CREBBP: variants seen among roughly 807,000 people sequenced by gnomAD.
CREBBP encodes the protein CREB-binding protein.
Under a neutral mutation model 265.0 loss-of-function variants are expected in CREBBP, and 19 were observed. The ratio of observed to expected loss-of-function variants is 0.07; its 90% CI spans 0.05 to 0.11. The LOEUF is 0.11. Among genes scored for constraint, CREBBP ranks in the 10% least tolerant of loss-of-function variants. CREBBP has a pLI of 1.00. For missense variants in CREBBP, 2,525 were observed against 3,219.0 expected, an observed-to-expected ratio of 0.78 and a Z score of 5.22; for synonymous variants, 1,457 against 1,223.7, an observed-to-expected ratio of 1.19 and a Z score of -3.98.
At chr16:3,785,929 C>T (rs990179124) in intron 5 of CREBBP, among the ~76,000 whole-genome samples, 1 of 152,236 alleles carries the variant, frequency 6.6e-6, no homozygotes, top group Admixed American at 6.5e-5. Flanking sequence ...CCAACATCCC[C>T]TAGTCTCACC....
chr16:3,750,029 A>G (rs924984293), intron 20 of CREBBP, among the ~76,000 whole-genome samples: 3 of 152,154 alleles, frequency 2.0e-5, no homozygotes, highest in African/African-American at 7.2e-5. Context: ...CTGGGACTAT[A>G]GGCATGCACC....
In CREBBP at chr16:3,727,496, AC is replaced by A. The variant is rs1223670587; in HGVS notation, c.*221del. 6 of 45,610 alleles carry A rather than the reference AC, an allele frequency of 1.3e-4. No individual in the cohort carries two copies. Among genetic ancestry groups the A allele is most frequent in the Admixed American group, 3.3e-4 (1 of 3,038 alleles). 2.8% of individuals were successfully genotyped at this position (45,610 alleles called of 1,614,324 possible). A position where few individuals can be genotyped will look rare whatever the true frequency, so the allele number is the denominator to read the frequency against. On this transcript the variant is annotated 3_prime_UTR_variant, in exon 31 of 31. Transcript: ENST00000262367. ...AAACGGAAAAAAAAGAACCCCCCCC[AC>A]CCCCCCGCCAAAAAAAAACCAAAGA...
intron 2 of CREBBP, among the ~76,000 whole-genome samples, chr16:3,846,508 T>C (rs1384222508): frequency 6.6e-6 from 1 of 152,226 alleles, no homozygotes; most frequent in Non-Finnish European, 1.5e-5. Flanking sequence ...ATGTACAATG[T>C]GTTCAAAGCA....
At chr16:3,849,420 T>TGTGTGTGTGTGTG (rs2054744068) in intron 2 of CREBBP, among the ~76,000 whole-genome samples, 3 of 6,784 alleles carry the variant, frequency 4.4e-4, no homozygotes, top group African/African-American at 5.2e-4. Context: ...TGTGTGTGTG[T>TGTGTGTGTGTGTG]GTGTGTGTGT....
At position 3,731,607 on chromosome 16, in the gene CREBBP, G is replaced by C. The variant is rs2051918740; in HGVS notation, c.4891-134C>G. On this transcript the variant is annotated intron_variant, in intron 29 of 30. Transcript: ENST00000262367. This position sits in a 1 kb window ranked among gnomAD's most constrained non-coding sequence, Gnocchi z 7.7. ...CTGATGGCCCTGATGCCTTGGGATGGAACAAAATTGGTGACACGTTGCATG... is the reference window on the plus strand; with the variant it reads ...CTGATGGCCCTGATGCCTTGGGATGCAACAAAATTGGTGACACGTTGCATG... The C allele has an allele frequency of 6.4e-6, 9 of 1,415,094 alleles. No homozygotes were observed. The highest frequency in any genetic ancestry group is 5.9e-6 in the Non-Finnish European group (6 of 1,017,180). 87.7% of individuals were successfully genotyped at this position (1,415,094 alleles called of 1,614,324 possible). A position where few individuals can be genotyped will look rare whatever the true frequency, so the allele number is the denominator to read the frequency against.
intron 2 of CREBBP, among the ~76,000 whole-genome samples, chr16:3,818,303 C>CTTTTTTTTTT (rs71133660): frequency 9.4e-6 from 1 of 106,450 alleles, no homozygotes; most frequent in Non-Finnish European, 1.9e-5. Flanking sequence ...GTTTTCTTTT[C>CTTTTTTTTTT]TTTTTTTTTT....
intron 5 of CREBBP, chr16:3,791,296 T>C (rs2141278569): frequency 6.5e-6 from 1 of 152,780 alleles, no homozygotes; most frequent in African/African-American, 2.4e-5. Flanking sequence ...CAGGCGGACC[T>C]CCCAACAAGC....
chr16:3,879,137 G>C (rs1172296949), intron 1 of CREBBP, among the ~76,000 whole-genome samples: 1 of 152,086 alleles, frequency 6.6e-6, no homozygotes, highest in Non-Finnish European at 1.5e-5. Context: ...GTTATACATG[G>C]AAATGAAACA....
chr16:3,730,907 C>T (rs1051072014), intron 30 of CREBBP, among the ~76,000 whole-genome samples: 1 of 152,208 alleles, frequency 6.6e-6, no homozygotes, highest in African/African-American at 2.4e-5. Flanking sequence ...CGGGTGTTTC[C>T]AGCCATTTAG....
chr16:3,860,543 C>T (rs974856635), intron 1 of CREBBP, among the ~76,000 whole-genome samples: 4 of 152,122 alleles, frequency 2.6e-5, no homozygotes, highest in Admixed American at 6.6e-5. Context: ...TCTAAGTTAA[C>T]GGACACAGGA....
chr16:3,866,487 G>C (rs368049845), intron 1 of CREBBP, among the ~76,000 whole-genome samples: 3 of 151,924 alleles, frequency 2.0e-5, no homozygotes, highest in East Asian at 3.8e-4. Flanking sequence ...TTTGCAACAG[G>C]AATTAACTAA....
chr16:3,735,735 C>T (rs188436809), intron 28 of CREBBP, among the ~76,000 whole-genome samples: 2 of 152,158 alleles, frequency 1.3e-5, no homozygotes, highest in Admixed American at 6.5e-5. Context: ...TGTGCCTCCT[C>T]GACTCACTTT....
intron 1 of CREBBP, among the ~76,000 whole-genome samples, chr16:3,860,454 G>A (rs983352824): frequency 6.6e-6 from 1 of 152,056 alleles, no homozygotes; most frequent in African/African-American, 2.4e-5. Context: ...CTGGACTCAA[G>A]CAATCCTCCT....
chr16:3,765,400 A>T (rs2052827578), intron 16 of CREBBP, among the ~76,000 whole-genome samples: 1 of 152,216 alleles, frequency 6.6e-6, no homozygotes, highest in Non-Finnish European at 1.5e-5. Flanking sequence ...CAAGTGTTGG[A>T]ATTTACAGCT....
intron 1 of CREBBP, among the ~76,000 whole-genome samples, chr16:3,864,283 T>C (rs774468381): frequency 4.6e-5 from 7 of 152,156 alleles, no homozygotes; most frequent in Admixed American, 2.6e-4. Context: ...TGCCAGTCCA[T>C]GTACAACGCG....
Position 3,736,892 on chromosome 16 carries a change from A to G in CREBBP, c.4395-77T>C, listed in dbSNP as rs191224547. The G allele has an allele frequency of 4.0e-4, 627 of 1,555,644 alleles. 3 individuals carry two copies. In the African/African-American group the frequency reaches 7.6e-3, roughly 19 times the overall value. On this transcript the variant is annotated intron_variant, in intron 26 of 30. Transcript: ENST00000262367. ...TGCCTTTAAGGAGTTATAGCAGAGG[A>G]GCAAGGACTAAAGCCAGGACAGAAG...
intron 1 of CREBBP, among the ~76,000 whole-genome samples, chr16:3,859,539 C>T (rs1597069952): frequency 6.6e-6 from 1 of 152,164 alleles, no homozygotes. Flanking sequence ...TGGCTGGCAG[C>T]TCCTAGGTAG....
chr16:3,853,961 A>ACACACAC (rs1567366177), intron 1 of CREBBP, among the ~76,000 whole-genome samples: 5 of 145,132 alleles, frequency 3.4e-5, no homozygotes, highest in African/African-American at 1.3e-4. Context: ...CAAACAAACA[A>ACACACAC]ACACACACAC....
At chr16:3,764,967 T>C (rs1428749471) in intron 16 of CREBBP, among the ~76,000 whole-genome samples, 1 of 151,760 alleles carries the variant, frequency 6.6e-6, no homozygotes, top group Non-Finnish European at 1.5e-5. Context: ...TTTTTTTTTT[T>C]GTTTTGTTTT....
Sources: allele counts gnomAD v4.1 joint callset (sites outside exome capture counted in the v4.1 genomes callset), GRCh38; gene constraint gnomAD v4.1.1; non-coding constraint Gnocchi (gnomAD v3.1); transcripts MANE v1.5; gene names NCBI Gene and HGNC (gene_info 2026-07-23, HGNC 2026-07-21).